Variants in SFMBT1 observed in about 807,000 individuals in gnomAD.
SFMBT1 encodes the protein scm-like with four MBT domains protein 1.
A neutral mutation model predicts 108.7 loss-of-function variants in SFMBT1; 32 were observed. The observed-to-expected ratio is 0.29, with a 90% CI of 0.22 to 0.40. The LOEUF is 0.40. Among genes scored for constraint, SFMBT1 ranks in the 10% least tolerant of loss-of-function variants. SFMBT1 has a pLI of 1.00. For synonymous variants in SFMBT1, 348 were observed against 369.5 expected (o/e 0.94, Z 0.67); for missense variants, 816 against 1,059.6 (o/e 0.77, Z 3.19).
At chr3:52,982,503 C>A (rs926066804) in intron 1 of SFMBT1, among the ~76,000 whole-genome samples, 6 of 151,766 alleles carry the variant, frequency 4.0e-5, no homozygotes, top group African/African-American at 1.2e-4. Flanking sequence ...CTGAGGCGGG[C>A]GGATCACTTG....
At chr3:53,038,964 G>A (rs773888733) in intron 1 of SFMBT1, among the ~76,000 whole-genome samples, 2 of 152,132 alleles carry the variant, frequency 1.3e-5, no homozygotes, top group East Asian at 1.9e-4. Flanking sequence ...CCCACACCAC[G>A]AATGTCAGTG....
intron 1 of SFMBT1, among the ~76,000 whole-genome samples, chr3:53,006,711 A>G (rs1178359873): frequency 5.3e-5 from 8 of 152,208 alleles, no homozygotes; most frequent in South Asian, 2.1e-4. Context: ...TTGAGCATCT[A>G]TGAATTTTGG....
intron 13 of SFMBT1, 126 bp from the exon 14 acceptor site, chr3:52,916,340 T>G: frequency 1.6e-6 from 1 of 640,334 alleles, no homozygotes; most frequent in Non-Finnish European, 2.7e-6. Flanking sequence ...TAACAGAAGG[T>G]ACTCCCTTGA....
At chr3:52,989,395 C>T (rs1705039541) in intron 1 of SFMBT1, among the ~76,000 whole-genome samples, 1 of 147,552 alleles carries the variant, frequency 6.8e-6, no homozygotes, top group Admixed American at 6.9e-5. Context: ...TCAGATTGTG[C>T]CACTGCACTC....
Position 53,042,069 on chromosome 3 carries a change from G to A in SFMBT1, c.-131+3747C>T, listed in dbSNP as rs1037219700. ...TTTGGAAAATTATAAGAGAAAAAAT[G>A]TAACATTAAAAATATTAAAGATGTA... On this transcript the variant is annotated intron_variant, in intron 1 of 20. Coordinates refer to ENST00000394752, the MANE Select transcript of SFMBT1 (RefSeq NM_016329.4). Among the ~76,000 whole-genome samples, 7 of 152,244 alleles carry A rather than the reference G, an allele frequency of 4.6e-5. No homozygotes were observed. The South Asian group carries it at 1.2e-3, about 27-fold the overall frequency.
chr3:52,945,411 G>C (rs1703332863), intron 3 of SFMBT1, among the ~76,000 whole-genome samples: 1 of 151,866 alleles, frequency 6.6e-6, no homozygotes, highest in African/African-American at 2.4e-5. Flanking sequence ...ATATAAATTA[G>C]GGGAGAGGGG....
At chr3:52,996,960 T>C (rs908329547) in intron 1 of SFMBT1, among the ~76,000 whole-genome samples, 5 of 149,390 alleles carry the variant, frequency 3.3e-5, no homozygotes, top group African/African-American at 1.2e-4. Context: ...TCCCAGCTAC[T>C]CCGGAGGCTG....
chr3:52,975,882 T>A (rs1704501143), intron 1 of SFMBT1, among the ~76,000 whole-genome samples: 1 of 151,564 alleles, frequency 6.6e-6, no homozygotes, highest in South Asian at 2.1e-4. Flanking sequence ...GTGCTGGGAT[T>A]ACAGGCATGA....
chr3:53,015,087 G>A (rs12635933), intron 1 of SFMBT1, among the ~76,000 whole-genome samples: 40,539 of 151,864 alleles, frequency 0.27, 5,952 homozygotes, highest in Middle Eastern at 0.4. Context: ...GTGTACGCCT[G>A]TAGTCACAGC....
At chr3:53,028,492 C>G (rs1056208727) in intron 1 of SFMBT1, among the ~76,000 whole-genome samples, 2 of 152,196 alleles carry the variant, frequency 1.3e-5, no homozygotes, top group Non-Finnish European at 2.9e-5. Flanking sequence ...ATCTCTTTGT[C>G]TGCCTTCATG....
At chr3:52,989,583 G>A (rs1007541068) in intron 1 of SFMBT1, among the ~76,000 whole-genome samples, 3 of 151,948 alleles carry the variant, frequency 2.0e-5, no homozygotes, top group Non-Finnish European at 4.4e-5. Context: ...GGCAGATCAC[G>A]AGGTCAGGAG....
intron 2 of SFMBT1, among the ~76,000 whole-genome samples, chr3:52,960,989 G>C (rs1290433393): frequency 6.6e-6 from 1 of 152,134 alleles, no homozygotes; most frequent in Non-Finnish European, 1.5e-5. Flanking sequence ...ATTTTTAAAA[G>C]TAAGCTGAGC....
At chr3:52,909,597 C>A (rs1702170196) in intron 17 of SFMBT1, among the ~76,000 whole-genome samples, 1 of 152,200 alleles carries the variant, frequency 6.6e-6, no homozygotes, top group African/African-American at 2.4e-5. Flanking sequence ...TCAGAAGCTC[C>A]ATTTTAACAA....
chr3:52,960,859 G>A (rs891666003), intron 2 of SFMBT1, among the ~76,000 whole-genome samples: 5 of 152,176 alleles, frequency 3.3e-5, no homozygotes, highest in Middle Eastern at 6.3e-3. Flanking sequence ...AATTCTGGCC[G>A]GGTGCGGTGG....
At chr3:52,919,917 GGT>G (rs1339577148) in intron 12 of SFMBT1, among the ~76,000 whole-genome samples, 18 of 152,314 alleles carry the variant, frequency 1.2e-4, no homozygotes, top group Middle Eastern at 3.4e-3. Context: ...CCAATGTGCT[GGT>G]ATGAGAAGAT....
intron 4 of SFMBT1, 113 bp downstream of exon 4, chr3:52,943,240 G>A: frequency 7.8e-7 from 1 of 1,281,532 alleles, no homozygotes; most frequent in East Asian, 2.3e-5. Flanking sequence ...TGCTAACCTA[G>A]AAAAGCTGGG....
chr3:53,031,203 G>A (rs1476069492), intron 1 of SFMBT1, among the ~76,000 whole-genome samples: 1 of 152,154 alleles, frequency 6.6e-6, no homozygotes, highest in Non-Finnish European at 1.5e-5. Flanking sequence ...CACTGGCTTG[G>A]ATTCTGAAGC....
chr3:53,035,799 G>T (rs1340915711), intron 1 of SFMBT1, among the ~76,000 whole-genome samples: 1 of 152,060 alleles, frequency 6.6e-6, no homozygotes, highest in Non-Finnish European at 1.5e-5. Context: ...CACTATTTTG[G>T]CCAGGCTGGT....
chr3:52,910,785 G>A (rs1379038129), intron 17 of SFMBT1, among the ~76,000 whole-genome samples: 5 of 152,178 alleles, frequency 3.3e-5, no homozygotes, highest in Admixed American at 2.0e-4. Context: ...CACCACACCC[G>A]GCCAAAAGGG....
Sources: allele counts gnomAD v4.1 joint callset (sites outside exome capture counted in the v4.1 genomes callset), GRCh38; gene constraint gnomAD v4.1.1; transcripts MANE v1.5; gene names NCBI Gene and HGNC (gene_info 2026-07-23, HGNC 2026-07-21).